Variants in IPO11 observed in about 807,000 individuals in gnomAD.
IPO11 encodes the protein importin-11.
IPO11 carries 66 observed loss-of-function variants against 143.2 expected under a neutral mutation model. The observed-to-expected ratio is 0.46, with a 90% CI of 0.38 to 0.57. The LOEUF (loss-of-function observed/expected upper bound fraction) is 0.57. IPO11 is among the 20% of genes least tolerant of loss of function. The pLI is 0.00. For missense variants in IPO11, 1,026 were observed against 1,141.0 expected (o/e 0.90, Z 1.45); for synonymous variants, 385 against 377.8 (o/e 1.02, Z -0.22).
Position 62,442,997 on chromosome 5 carries a change from C to G in IPO11, c.153C>G (p.Asn51Lys). 1.3e-6 allele frequency: 2 copies of G among 1,598,012 alleles called. No individual in the cohort carries two copies. The highest frequency in any genetic ancestry group is 1.7e-6 in the Non-Finnish European group (2 of 1,170,462). Reference protein sequence around the residue: ...FYSVLLNIFTNHTLDINVRWL... With the variant: ...FYSVLLNIFTKHTLDINVRWL... ...TTTATTTATAGAATATTTTCACCAA[C>G]CACACTTTGGATATAAATGTAAGGT... is the stretch of plus-strand genomic sequence containing the variant. Residue 51 changes from asparagine (N) to lysine (K), a missense_variant, in exon 3 of 30, where the codon AAC becomes AAG. This residue lies in a region of IPO11 where 429 missense variants were observed against 456.3 expected (regional missense o/e 0.94). Coordinates refer to ENST00000325324, the MANE Select transcript of IPO11 (RefSeq NM_016338.5).
intron 27 of IPO11, among the ~76,000 whole-genome samples, chr5:62,568,670 T>C (rs1490638006): frequency 6.6e-6 from 1 of 152,066 alleles, no homozygotes; most frequent in Non-Finnish European, 1.5e-5. Flanking sequence ...TTTGTTGAGC[T>C]TCCTCAAAAA....
At chr5:62,426,931 G>GTTTTTTTTTTTT (rs763031944) in intron 1 of IPO11, among the ~76,000 whole-genome samples, 5 of 90,244 alleles carry the variant, frequency 5.5e-5, no homozygotes, top group South Asian at 4.3e-4. Context: ...TTTTCTTTCT[G>GTTTTTTTTTTTT]TTTTTTTTTT....
At chr5:62,620,217 A>T (rs1486456954) in intron 29 of IPO11, among the ~76,000 whole-genome samples, 1 of 152,104 alleles carries the variant, frequency 6.6e-6, no homozygotes, top group East Asian at 1.9e-4. Flanking sequence ...GACTTCAGTC[A>T]CATGCATTTA....
intron 22 of IPO11, among the ~76,000 whole-genome samples, chr5:62,534,428 C>T (rs1423032039): frequency 6.6e-6 from 1 of 151,890 alleles, no homozygotes; most frequent in East Asian, 1.9e-4. Context: ...TTCCTCCTTA[C>T]AGAAATTTAA....
intron 8 of IPO11, among the ~76,000 whole-genome samples, chr5:62,476,424 A>G (rs1175020188): frequency 6.6e-6 from 1 of 152,206 alleles, no homozygotes; most frequent in Non-Finnish European, 1.5e-5. Context: ...AATGTTATCC[A>G]TGATTCATTG....
At position 62,437,199 on chromosome 5, in the gene IPO11, T is replaced by C; in HGVS notation, c.-6-75T>C. 2.5e-6 allele frequency: 3 copies of C among 1,208,878 alleles called. 1 individual carries two copies. Among genetic ancestry groups the C allele is most frequent in the South Asian group, 3.5e-5 (2 of 57,340 alleles). 74.9% of individuals were successfully genotyped at this position (1,208,878 alleles called of 1,614,324 possible). A position where few individuals can be genotyped will look rare whatever the true frequency, so the allele number is the denominator to read the frequency against. ...AGTAATTCAGAACATGAAAGCTTTTTGTCTCCATTTATTTTACTGTTAATT... is the reference window on the plus strand; with the variant it reads ...AGTAATTCAGAACATGAAAGCTTTTCGTCTCCATTTATTTTACTGTTAATT... On this transcript the variant is annotated intron_variant, in intron 1 of 29. Transcript: ENST00000325324.
intron 27 of IPO11, chr5:62,579,929 A>G (rs938697855): frequency 1.3e-6 from 2 of 1,551,210 alleles, no homozygotes; most frequent in African/African-American, 2.7e-5. Context: ...TTAAATCTAC[A>G]AAGGAATCGC....
intron 2 of IPO11, among the ~76,000 whole-genome samples, chr5:62,441,992 T>C (rs907221915): frequency 7.3e-5 from 11 of 151,622 alleles, no homozygotes; most frequent in African/African-American, 2.7e-4. Context: ...ATTACAGGCA[T>C]GCGCCACCAT....
intron 2 of IPO11, among the ~76,000 whole-genome samples, chr5:62,441,748 T>G (rs1265049253): frequency 6.6e-6 from 1 of 150,416 alleles, no homozygotes; most frequent in African/African-American, 2.4e-5. Flanking sequence ...ACTCCTGACC[T>G]CATGGTGGTC....
intron 24 of IPO11, among the ~76,000 whole-genome samples, chr5:62,546,571 C>G (rs1051511240): frequency 8.6e-5 from 13 of 152,016 alleles, no homozygotes; most frequent in Admixed American, 8.5e-4. Context: ...ACGTTGTGCA[C>G]TTGTACCCTA....
intron 26 of IPO11, among the ~76,000 whole-genome samples, chr5:62,555,755 G>A (rs993083646): frequency 2.6e-5 from 4 of 151,754 alleles, no homozygotes; most frequent in Admixed American, 1.3e-4. Context: ...CGCCTGCCTC[G>A]GCCTCCCAAT....
At chr5:62,418,785 T>C (rs17467162) in intron 1 of IPO11, 22,701 of 391,896 alleles carry the variant, frequency 0.058, 796 homozygotes, top group South Asian at 0.083. Flanking sequence ...GTTCACGTAT[T>C]GTCTCCAAGT....
chr5:62,561,250 G>A lies in IPO11; in HGVS notation c.2575G>A (p.Asp859Asn), dbSNP rs1342486801. The change falls in exon 27 of 30, where the codon GAT becomes AAT. Residue 859 changes from aspartate to asparagine, a missense_variant. This residue lies in a region of IPO11 where 351 missense variants were observed against 358.9 expected (regional missense o/e 0.98). Transcript: ENST00000325324. ...ALALLSLLPS[D>N]NSVIQDKFCG... ...GGCTTTGCTCTCTCTTCTGCCATCT[G>A]ATAATAGGTGAGGAAATGTTTTCTT... is the stretch of plus-strand genomic sequence containing the variant. 2 of 1,537,048 alleles carry A rather than the reference G, an allele frequency of 1.3e-6. No homozygotes were observed. The highest frequency in any genetic ancestry group is 1.8e-6 in the Non-Finnish European group (2 of 1,141,948).
intron 19 of IPO11, among the ~76,000 whole-genome samples, chr5:62,514,232 A>G (rs1286488766): frequency 6.6e-6 from 1 of 152,082 alleles, no homozygotes; most frequent in East Asian, 1.9e-4. Flanking sequence ...TTGGGGGGCC[A>G]AGGCAGGCGG....
chr5:62,485,244 A>G (rs1349673984), intron 11 of IPO11, among the ~76,000 whole-genome samples, 175 bp from the exon 12 acceptor site: 3 of 152,188 alleles, frequency 2.0e-5, no homozygotes, highest in Non-Finnish European at 2.9e-5. Flanking sequence ...TGAGATACAC[A>G]ACTGTGATCT....
At chr5:62,483,938 A>G in intron 10 of IPO11, 72 bp from the exon 11 acceptor site, 3 of 1,293,948 alleles carry the variant, frequency 2.3e-6, no homozygotes, top group South Asian at 2.8e-5. Flanking sequence ...TTTTTTATTT[A>G]TTTAAGTTAC....
At chr5:62,551,752 G>T (rs1042741334) in intron 26 of IPO11, among the ~76,000 whole-genome samples, 1 of 152,092 alleles carries the variant, frequency 6.6e-6, no homozygotes, top group Non-Finnish European at 1.5e-5. Context: ...GACCTTTTTA[G>T]CAAAGGTTTA....
chr5:62,421,212 T>G (rs549947536), intron 1 of IPO11, among the ~76,000 whole-genome samples: 2 of 152,360 alleles, frequency 1.3e-5, no homozygotes, highest in East Asian at 3.9e-4. Flanking sequence ...TTCTTATATA[T>G]TTGTCTTGTT....
intron 26 of IPO11, among the ~76,000 whole-genome samples, chr5:62,559,636 G>C (rs2112363262): frequency 6.6e-6 from 1 of 151,918 alleles, no homozygotes; most frequent in South Asian, 2.1e-4. Context: ...ATTCCTCATG[G>C]CTGGGTGCGG....
Sources: gnomAD v4.1 joint callset for allele counts (sites outside exome capture counted in the v4.1 genomes callset) on GRCh38, gnomAD v4.1.1 for gene constraint, gnomAD v4.1.1 regional missense constraint, MANE v1.5 for transcripts, NCBI Gene and HGNC (gene_info 2026-07-23, HGNC 2026-07-21) for gene names.